ANKS1A: variants seen among roughly 807,000 people sequenced by gnomAD.
ANKS1A encodes ankyrin repeat and sterile alpha motif domain containing 1A.
In ANKS1A, 55 loss-of-function variants were observed where a neutral mutation model predicts 120.3. The observed-to-expected ratio is 0.46, with a 90% CI of 0.37 to 0.57. ANKS1A has a LOEUF of 0.57. Ranked by LOEUF, ANKS1A falls within the 20% of genes least tolerant of loss-of-function variation. ANKS1A has a pLI of 0.00. For missense variants in ANKS1A, 1,123 were observed against 1,480.3 expected (o/e 0.76, Z 3.96); for synonymous variants, 590 against 604.7 (o/e 0.98, Z 0.36).
At chr6:35,051,418 G>GATT (rs991684944) in intron 11 of ANKS1A, among the ~76,000 whole-genome samples, 8 of 152,198 alleles carry the variant, frequency 5.3e-5, no homozygotes, top group African/African-American at 1.9e-4. Flanking sequence ...GATGTTAAGT[G>GATT]ATTATGGTGA....
intron 10 of ANKS1A, among the ~76,000 whole-genome samples, chr6:34,999,024 A>G (rs1184307791): frequency 6.6e-6 from 1 of 152,328 alleles, no homozygotes; most frequent in Admixed American, 6.5e-5. Flanking sequence ...AGTGTGTGGC[A>G]GGCCCCCGTG....
At chr6:35,049,277 C>T (rs925884667) in intron 11 of ANKS1A, among the ~76,000 whole-genome samples, 1 of 152,174 alleles carries the variant, frequency 6.6e-6, no homozygotes, top group Non-Finnish European at 1.5e-5. Flanking sequence ...TCCCCCCTTC[C>T]CCTGTTAGTG....
chr6:34,926,043 A>G (rs1768698895), intron 1 of ANKS1A, among the ~76,000 whole-genome samples: 1 of 152,202 alleles, frequency 6.6e-6, no homozygotes, highest in Non-Finnish European at 1.5e-5. Context: ...GGAGGCTGTA[A>G]AAGGCTCAGG....
chr6:35,075,636 G>A (rs1486909861), intron 13 of ANKS1A, among the ~76,000 whole-genome samples: 1 of 151,926 alleles, frequency 6.6e-6, no homozygotes, highest in African/African-American at 2.4e-5. Flanking sequence ...GGCTGGTCTC[G>A]AACTCCTGAC....
chr6:34,905,561 C>G (rs1767611781), intron 1 of ANKS1A, among the ~76,000 whole-genome samples: 1 of 152,152 alleles, frequency 6.6e-6, no homozygotes, highest in Non-Finnish European at 1.5e-5. Context: ...TCACAACATG[C>G]CTGCAAGATA....
intron 13 of ANKS1A, among the ~76,000 whole-genome samples, chr6:35,077,747 A>C (rs1777445692): frequency 6.6e-6 from 1 of 152,148 alleles, no homozygotes; most frequent in African/African-American, 2.4e-5. Flanking sequence ...GTGTGATGTC[A>C]AGAAATTTCT....
intron 1 of ANKS1A, among the ~76,000 whole-genome samples, chr6:34,934,480 T>C (rs932692313): frequency 1.3e-5 from 2 of 152,220 alleles, no homozygotes; most frequent in East Asian, 3.8e-4. Flanking sequence ...TAGGTGAAAT[T>C]GGTTTTTTAG....
At chr6:35,024,581 G>A (rs1247407101) in intron 11 of ANKS1A, among the ~76,000 whole-genome samples, 5 of 152,180 alleles carry the variant, frequency 3.3e-5, no homozygotes, top group African/African-American at 1.2e-4. Context: ...ATAATTTCTG[G>A]CACAGGATTT....
At chr6:34,972,472 G>C (rs1771232404) in intron 3 of ANKS1A, 2 of 329,658 alleles carry the variant, frequency 6.1e-6, no homozygotes. Context: ...GAGGCATCCA[G>C]AGGGCAGATT....
At chr6:34,971,811 T>C (rs953082782) in intron 3 of ANKS1A, among the ~76,000 whole-genome samples, 1 of 152,154 alleles carries the variant, frequency 6.6e-6, no homozygotes, top group Admixed American at 6.5e-5. Flanking sequence ...GATTTGGAGA[T>C]TGTGTGTATA....
intron 13 of ANKS1A, among the ~76,000 whole-genome samples, chr6:35,066,862 G>A (rs895953654): frequency 2.6e-5 from 4 of 152,178 alleles, no homozygotes; most frequent in Non-Finnish European, 5.9e-5. Context: ...TCAATGTGGG[G>A]CTACTTTGGG....
At position 34,934,407 on chromosome 6, in the gene ANKS1A, C is replaced by T. The variant is rs990676712; in HGVS notation, c.198-32832C>T. 3.7e-4 allele frequency among the ~76,000 whole-genome samples: 56 copies of T among 152,308 alleles called. 1 individual carries two copies. The highest frequency in any genetic ancestry group is 1.3e-3 in the African/African-American group (53 of 41,564). On this transcript the variant is annotated intron_variant, in intron 1 of 23. Transcript: ENST00000360359. ...TTGTGATCCGCCCGCCTCGGCCTCC[C>T]AAAGTGCTGGGATTACAGGCGTGAG... is the stretch of plus-strand genomic sequence containing the variant.
At position 35,083,137 on chromosome 6, in the gene ANKS1A, C is replaced by T. The variant is rs1243268735; in HGVS notation, c.2836-18C>T. Reference sequence around the variant, plus strand: ...AAACGCAGGATTTCCTAAGCCTGGCCACTGCTCGCCCCCACAGTATCTGGG... The same window carrying T: ...AAACGCAGGATTTCCTAAGCCTGGCTACTGCTCGCCCCCACAGTATCTGGG... On this transcript the variant is annotated intron_variant, in intron 18 of 23. Coordinates refer to ENST00000360359, the MANE Select transcript of ANKS1A (RefSeq NM_015245.3). The T allele has an allele frequency of 6.2e-7, 1 of 1,613,222 alleles. No homozygotes were observed. Among genetic ancestry groups the T allele is most frequent in the Non-Finnish European group, 8.5e-7 (1 of 1,179,342 alleles).
chr6:35,004,131 C>T (rs1027035631), intron 10 of ANKS1A, among the ~76,000 whole-genome samples: 11 of 132,918 alleles, frequency 8.3e-5, no homozygotes, highest in Admixed American at 3.3e-4. Context: ...CAGTCGATCA[C>T]GACCCTCTCA....
chr6:34,914,337 T>A (rs1033751413), intron 1 of ANKS1A, among the ~76,000 whole-genome samples: 1 of 152,238 alleles, frequency 6.6e-6, no homozygotes, highest in African/African-American at 2.4e-5. Flanking sequence ...ATTTTATTTT[T>A]AAAAAATCAT....
chr6:34,978,302 C>G (rs1317848584), intron 3 of ANKS1A, among the ~76,000 whole-genome samples: 1 of 152,124 alleles, frequency 6.6e-6, no homozygotes. Context: ...TGTGCAAAAG[C>G]ATTGGGGGAA....
intron 1 of ANKS1A, among the ~76,000 whole-genome samples, chr6:34,911,989 G>A (rs1041663741): frequency 1.3e-5 from 2 of 151,936 alleles, no homozygotes; most frequent in Non-Finnish European, 2.9e-5. Context: ...TAATACTTTC[G>A]CAATAACACA....
At chr6:34,995,053 A>G (rs1449699598) in intron 10 of ANKS1A, among the ~76,000 whole-genome samples, 1 of 152,208 alleles carries the variant, frequency 6.6e-6, no homozygotes, top group East Asian at 1.9e-4. Flanking sequence ...CTAAGGAAGA[A>G]TGATAAGGGA....
chr6:35,000,802 ATG>A (rs1297605757), intron 10 of ANKS1A, among the ~76,000 whole-genome samples: 3 of 152,158 alleles, frequency 2.0e-5, no homozygotes, highest in African/African-American at 7.2e-5. Context: ...AGGCATAAGA[ATG>A]TGGATTTTTA....
Sources: gnomAD v4.1 joint callset for allele counts (sites outside exome capture counted in the v4.1 genomes callset) on GRCh38, gnomAD v4.1.1 for gene constraint, MANE v1.5 for transcripts, NCBI Gene and HGNC (gene_info 2026-07-23, HGNC 2026-07-21) for gene names.